The following UST variants were observed in gnomAD, a reference collection of about 807,000 sequenced individuals.
The protein encoded by UST is chondroitin sulfate 2-O-sulfotransferase.
Under a neutral mutation model 45.6 loss-of-function variants are expected in UST, and 21 were observed. The observed-to-expected ratio is 0.46, with a 90% CI of 0.33 to 0.66. The LOEUF is 0.66. Ranked by LOEUF, UST falls within the 30% of genes least tolerant of loss-of-function variation. UST has a pLI of 0.02. For synonymous variants in UST, 215 were observed against 200.6 expected (o/e 1.07, Z -0.61); for missense variants, 463 against 512.4 (o/e 0.90, Z 0.93).
At chr6:148,849,508 G>A (rs746293853) in intron 1 of UST, among the ~76,000 whole-genome samples, 2 of 152,024 alleles carry the variant, frequency 1.3e-5, no homozygotes, top group East Asian at 1.9e-4. Flanking sequence ...GTATTAGTCC[G>A]TTCTCACACT....
intron 1 of UST, among the ~76,000 whole-genome samples, chr6:148,883,015 G>T (rs1778852060): frequency 6.6e-6 from 1 of 152,194 alleles, no homozygotes; most frequent in Admixed American, 6.5e-5. Context: ...ACCATGCTGA[G>T]GAACTTTTGT....
intron 2 of UST, among the ~76,000 whole-genome samples, chr6:148,904,108 G>A (rs991809078): frequency 6.6e-6 from 1 of 152,208 alleles, no homozygotes; most frequent in African/African-American, 2.4e-5. Context: ...CAGAAGCAGT[G>A]TGTTTGAGGT....
At chr6:149,022,360 G>T (rs1445219020) in intron 7 of UST, among the ~76,000 whole-genome samples, 2 of 152,298 alleles carry the variant, frequency 1.3e-5, no homozygotes, top group East Asian at 3.9e-4. Context: ...AGCATTTTGG[G>T]AGGCCGAGGC....
intron 5 of UST, among the ~76,000 whole-genome samples, chr6:149,008,558 G>A (rs2115010861): frequency 6.6e-6 from 1 of 152,290 alleles, no homozygotes; most frequent in East Asian, 1.9e-4. Flanking sequence ...CCTGGGAGAA[G>A]GCATACAATG....
intron 1 of UST, among the ~76,000 whole-genome samples, chr6:148,808,668 A>C (rs1050853220): frequency 3.9e-5 from 6 of 152,106 alleles, no homozygotes; most frequent in Non-Finnish European, 7.3e-5. Flanking sequence ...CCTGTTATGG[A>C]CTGAATGTTC....
At position 149,039,597 on chromosome 6, in the gene UST, C is replaced by A. The variant is rs946152286; in HGVS notation, c.937+18116C>A. 3.9e-5 allele frequency among the ~76,000 whole-genome samples: 6 copies of A among 152,310 alleles called. No homozygotes were observed. In the South Asian group the frequency reaches 1.2e-3, roughly 32 times the overall value. On this transcript the variant is annotated intron_variant, in intron 7 of 7. Transcript: ENST00000367463. ...AAACACAGCCAGACAGTCTAAGGAC[C>A]ATACTCAGGGTCTCATAGCTGGTGC... is the stretch of plus-strand genomic sequence containing the variant.
At chr6:148,784,818 G>A (rs1776707234) in intron 1 of UST, among the ~76,000 whole-genome samples, 2 of 152,236 alleles carry the variant, frequency 1.3e-5, no homozygotes, top group African/African-American at 4.8e-5. Context: ...TTGTTTCAAG[G>A]CACTTTGAAA....
At chr6:148,848,471 G>C (rs1487172429) in intron 1 of UST, among the ~76,000 whole-genome samples, 1 of 152,166 alleles carries the variant, frequency 6.6e-6, no homozygotes, top group African/African-American at 2.4e-5. Flanking sequence ...GAGAGATCGA[G>C]TCCATCCTGG....
At chr6:148,889,840 T>G (rs2114847353) in intron 2 of UST, among the ~76,000 whole-genome samples, 1 of 152,166 alleles carries the variant, frequency 6.6e-6, no homozygotes, top group South Asian at 2.1e-4. Flanking sequence ...TCACTTCCCC[T>G]TCTCCCATAG....
chr6:149,062,090 A>C lies in UST; in HGVS notation c.938-11743A>C, dbSNP rs372833351. Among the ~76,000 whole-genome samples the C allele has an allele frequency of 3.3e-5, 5 of 152,216 alleles. 1 individual carries two copies. The East Asian group carries it at 9.6e-4, about 29-fold the overall frequency. The stretch of plus-strand genomic sequence containing the variant: ...GCAAGACGGTGGCTTCTACATAGCT[A>C]TTTGTGTTTGTGGTGAACCTTCCTT... On this transcript the variant is annotated intron_variant, in intron 7 of 7. Coordinates refer to ENST00000367463, the MANE Select transcript of UST (RefSeq NM_005715.3).
chr6:148,914,697 C>A (rs1050508519), intron 2 of UST, among the ~76,000 whole-genome samples: 3 of 152,112 alleles, frequency 2.0e-5, no homozygotes, highest in African/African-American at 7.2e-5. Context: ...CTCACTCGCC[C>A]GCCCACCACT....
intron 1 of UST, among the ~76,000 whole-genome samples, chr6:148,836,428 T>C (rs1777786300): frequency 6.6e-6 from 1 of 152,186 alleles, no homozygotes; most frequent in Non-Finnish European, 1.5e-5. Flanking sequence ...TGGCAGTGTT[T>C]GACACAACTA....
chr6:148,972,112 C>CT (rs1780929709), intron 5 of UST, among the ~76,000 whole-genome samples: 1 of 152,168 alleles, frequency 6.6e-6, no homozygotes. Context: ...AAGACCCAAA[C>CT]TTGAAAAGCT....
At chr6:148,881,023 CG>C (rs1778813830) in intron 1 of UST, among the ~76,000 whole-genome samples, 1 of 149,442 alleles carries the variant, frequency 6.7e-6, no homozygotes, top group African/African-American at 2.5e-5. Context: ...AACCAGACTC[CG>C]TCTAAAAAAA....
chr6:148,857,935 C>A lies in UST; in HGVS notation c.248-29051C>A, dbSNP rs529434716. Among the ~76,000 whole-genome samples the A allele has an allele frequency of 2.6e-5, 4 of 151,826 alleles. No homozygotes were observed. The East Asian group carries it at 7.7e-4, about 29-fold the overall frequency. On this transcript the variant is annotated intron_variant, in intron 1 of 7. Coordinates refer to ENST00000367463, the MANE Select transcript of UST (RefSeq NM_005715.3). ...ATAGGAATCTTCATTAGGCAAAAAACAACACTTGGGCGAAAATGAAAAAAA... is the reference window on the plus strand; with the variant it reads ...ATAGGAATCTTCATTAGGCAAAAAAAAACACTTGGGCGAAAATGAAAAAAA...
chr6:148,879,945 T>TTC (rs113545001), intron 1 of UST, among the ~76,000 whole-genome samples: 2,902 of 77,710 alleles, frequency 0.037, 75 homozygotes, highest in African/African-American at 0.17. Context: ...TTTTTTCTTT[T>TTC]TTTTTTCTTT....
At chr6:148,961,294 G>A (rs1465958487) in intron 4 of UST, among the ~76,000 whole-genome samples, 4 of 152,180 alleles carry the variant, frequency 2.6e-5, no homozygotes, top group African/African-American at 9.7e-5. Flanking sequence ...AGTAATTGTG[G>A]TGACTGAAGG....
At chr6:148,899,820 C>T (rs956072393) in intron 2 of UST, among the ~76,000 whole-genome samples, 2 of 152,146 alleles carry the variant, frequency 1.3e-5, no homozygotes, top group South Asian at 2.1e-4. Context: ...TTGCTGCTTC[C>T]GGATTTCACT....
chr6:149,001,704 A>G (rs1317387683), intron 5 of UST, among the ~76,000 whole-genome samples: 1 of 152,246 alleles, frequency 6.6e-6, no homozygotes, highest in Non-Finnish European at 1.5e-5. Context: ...CATTATTAAA[A>G]GATGAATTAT....
Sources: gnomAD v4.1 joint callset for allele counts (sites outside exome capture counted in the v4.1 genomes callset) on GRCh38, gnomAD v4.1.1 for gene constraint, MANE v1.5 for transcripts, NCBI Gene and HGNC (gene_info 2026-07-23, HGNC 2026-07-21) for gene names.